The following C11orf65 variants were observed in gnomAD, a reference collection of about 807,000 sequenced individuals.
C11orf65 encodes the protein protein MFI.
C11orf65 carries 38 observed loss-of-function variants against 35.3 expected under a neutral mutation model. The ratio of observed to expected loss-of-function variants is 1.08; its 90% confidence interval spans 0.83 to 1.41. The LOEUF (loss-of-function observed/expected upper bound fraction) is 1.41, where lower values mean the gene tolerates loss of function less well. C11orf65 is among the 40% of genes most tolerant of loss of function. C11orf65 has a pLI of 0.00. For missense variants in C11orf65, 370 were observed against 367.1 expected (o/e 1.01, Z -0.06); for synonymous variants, 105 against 114.4 (o/e 0.92, Z 0.53).
At chr11:108,366,029 CA>C (rs369583811) in intron 2 of C11orf65, 50,944 of 100,348 alleles carry the variant, frequency 0.51, 8,367 homozygotes, top group Middle Eastern at 0.63. Context: ...AACTCCATCT[CA>C]AAAAAAAAAA....
chr11:108,394,099 G>A (rs1326532329), intron 6 of C11orf65, among the ~76,000 whole-genome samples: 2 of 143,766 alleles, frequency 1.4e-5, no homozygotes, highest in African/African-American at 2.5e-5. Flanking sequence ...AGAATCGCTA[G>A]AACCTGGGAG....
intron 3 of C11orf65, among the ~76,000 whole-genome samples, chr11:108,427,128 G>A (rs139113872): frequency 0.015 from 2,238 of 152,026 alleles, 51 homozygotes; most frequent in African/African-American, 0.048. Context: ...CCTAGGCATG[G>A]GCAAAGACTT....
intron 2 of C11orf65, 35 bp from the exon 3 acceptor site, chr11:108,431,873 C>G: frequency 7.7e-7 from 1 of 1,298,434 alleles, no homozygotes; most frequent in Non-Finnish European, 1.1e-6. Flanking sequence ...ATGATCAAAA[C>G]TGGATTTTCT....
intron 8 of C11orf65, among the ~76,000 whole-genome samples, chr11:108,384,401 T>C (rs956811605): frequency 2.0e-5 from 3 of 152,168 alleles, no homozygotes; most frequent in African/African-American, 7.2e-5. Context: ...TCTCATTATC[T>C]CACAACCTAT....
downstream of C11orf65, chr11:108,331,103 T>C: frequency 1.0e-6 from 1 of 975,374 alleles, no homozygotes; most frequent in Non-Finnish European, 1.2e-6. Flanking sequence ...TTACTTCATT[T>C]TATTGTACAC....
chr11:108,452,170 T>C lies in C11orf65; in HGVS notation c.81+9309A>G, dbSNP rs558265174. Among the ~76,000 whole-genome samples, 459 of 152,110 alleles carry C rather than the reference T, an allele frequency of 3.0e-3. 3 individuals carry two copies. The highest frequency in any genetic ancestry group is 0.011 in the African/African-American group (438 of 41,498). ...ATTGACAAATGGGATCTAATTAAAC[T>C]AAAGAGCTTCTGCACAGCAAAAGAA... On this transcript the variant is annotated intron_variant, in intron 2 of 8. Transcript: ENST00000393084.
intron 2 of C11orf65, among the ~76,000 whole-genome samples, chr11:108,434,930 C>G (rs1236908017): frequency 6.6e-6 from 1 of 152,202 alleles, no homozygotes; most frequent in East Asian, 1.9e-4. Flanking sequence ...TTCCCAATCA[C>G]CCTGAAGTAA....
rs555300736 is a variant in C11orf65, at chr11:108,312,317, C to T, written c.641-3246G>A. 1.7e-5 allele frequency: 15 copies of T among 908,194 alleles called. No individual in the cohort carries two copies. In the South Asian group the frequency reaches 2.1e-4, roughly 13 times the overall value. The allele number at this position is 908,194 out of a possible 1,614,324, so 56.3% of individuals were successfully genotyped here. ...TTTATTCTGTTTTGTTTGCCACCTTCATTAGTTTTTTTCTGTCAAAGTCTA... is the reference window on the plus strand; with the variant it reads ...TTTATTCTGTTTTGTTTGCCACCTTTATTAGTTTTTTTCTGTCAAAGTCTA... On this transcript the variant is annotated intron_variant, in intron 6 of 6. Transcript: ENST00000525729.
intron 1 of C11orf65, among the ~76,000 whole-genome samples, chr11:108,464,876 C>T (rs114943849): frequency 0.012 from 1,884 of 152,016 alleles, 49 homozygotes; most frequent in African/African-American, 0.042. Flanking sequence ...AAACAGCGTG[C>T]ATATTGAAAC....
intron 2 of C11orf65, among the ~76,000 whole-genome samples, chr11:108,449,102 G>A (rs1294701918): frequency 1.3e-5 from 2 of 152,180 alleles, no homozygotes; most frequent in Non-Finnish European, 2.9e-5. Context: ...TCTTCAAGGA[G>A]AACTACAAAC....
chr11:108,317,685 T>C (rs575116562), intron 6 of C11orf65, among the ~76,000 whole-genome samples: 21 of 141,462 alleles, frequency 1.5e-4, no homozygotes, highest in African/African-American at 2.4e-4. Flanking sequence ...TATATATATA[T>C]ACATACCATA....
At chr11:108,405,198 A>C (rs1367320472) in intron 6 of C11orf65, among the ~76,000 whole-genome samples, 1 of 152,180 alleles carries the variant, frequency 6.6e-6, no homozygotes, top group Non-Finnish European at 1.5e-5. Context: ...GATTGGGGCC[A>C]GCTGCAGTGA....
chr11:108,426,029 A>T (rs1166124229), intron 3 of C11orf65, among the ~76,000 whole-genome samples: 1 of 152,180 alleles, frequency 6.6e-6, no homozygotes, highest in Non-Finnish European at 1.5e-5. Context: ...TGACAAACCC[A>T]CAGCCAATAC....
At chr11:108,452,949 A>G (rs1468718851) in intron 2 of C11orf65, among the ~76,000 whole-genome samples, 1 of 139,668 alleles carries the variant, frequency 7.2e-6, no homozygotes, top group East Asian at 2.2e-4. Flanking sequence ...GAATTAAACA[A>G]TGAGAACACT....
chr11:108,327,731 G>C (rs143489373), downstream of C11orf65: 3 of 1,613,702 alleles, frequency 1.9e-6, no homozygotes, highest in African/African-American at 1.3e-5. Flanking sequence ...AAAATCCTGC[G>C]GTCATCATGC....
At chr11:108,385,021 TCAA>T (rs2091956551) in intron 8 of C11orf65, among the ~76,000 whole-genome samples, 2 of 152,220 alleles carry the variant, frequency 1.3e-5, no homozygotes, top group African/African-American at 4.8e-5. Flanking sequence ...AAAACTATTT[TCAA>T]CATTTTGAGG....
At chr11:108,447,169 C>T (rs1021606383) in intron 2 of C11orf65, among the ~76,000 whole-genome samples, 12 of 152,068 alleles carry the variant, frequency 7.9e-5, no homozygotes, top group Non-Finnish European at 1.5e-5. Flanking sequence ...CTTAGACTCC[C>T]ACACAATAAT....
At chr11:108,447,096 A>T (rs1256744124) in intron 2 of C11orf65, among the ~76,000 whole-genome samples, 7 of 152,178 alleles carry the variant, frequency 4.6e-5, no homozygotes, top group Non-Finnish European at 2.9e-5. Context: ...TCCTAAATAT[A>T]TATGCACCCA....
intron 2 of C11orf65, among the ~76,000 whole-genome samples, chr11:108,454,745 C>T (rs2093392735): frequency 6.6e-6 from 1 of 152,138 alleles, no homozygotes; most frequent in African/African-American, 2.4e-5. Context: ...CAGACGTGTG[C>T]CACCACACCT....
Sources: allele counts gnomAD v4.1 joint callset (sites outside exome capture counted in the v4.1 genomes callset), GRCh38; gene constraint gnomAD v4.1.1; transcripts MANE v1.5; gene names NCBI Gene and HGNC (gene_info 2026-07-23, HGNC 2026-07-21).